RSRC1: variants seen among roughly 807,000 people sequenced by gnomAD.
RSRC1 encodes arginine and serine rich coiled-coil 1, also known as serine/Arginine-related protein 53.
In RSRC1, 39 loss-of-function variants were observed where a neutral mutation model predicts 49.1. That is an observed-to-expected ratio of 0.79 (90% confidence interval 0.61 to 1.04). RSRC1 has a LOEUF of 1.04. Among genes scored for constraint, RSRC1 ranks in the 50% least tolerant of loss-of-function variants. RSRC1 has a pLI of 0.00. For synonymous variants in RSRC1, 143 were observed against 130.8 expected (o/e 1.09, Z -0.63); for missense variants, 388 against 402.4 (o/e 0.96, Z 0.31).
chr3:158,352,890 G>T (rs1489531588), intron 5 of RSRC1, among the ~76,000 whole-genome samples: 1 of 152,004 alleles, frequency 6.6e-6, no homozygotes. Flanking sequence ...TGCATTAATG[G>T]CTTGATACCT....
chr3:158,265,999 T>A (rs1176516278), intron 4 of RSRC1, among the ~76,000 whole-genome samples: 1 of 152,138 alleles, frequency 6.6e-6, no homozygotes, highest in African/African-American at 2.4e-5. Flanking sequence ...CAAAAATAAA[T>A]TTCCTATATA....
chr3:158,510,936 T>C (rs978581130), intron 7 of RSRC1, among the ~76,000 whole-genome samples: 2 of 152,230 alleles, frequency 1.3e-5, no homozygotes, highest in African/African-American at 2.4e-5. Flanking sequence ...GAGAGTTTTA[T>C]TGAAATTACA....
chr3:158,213,905 A>G (rs1449721117), intron 4 of RSRC1, among the ~76,000 whole-genome samples: 1 of 151,916 alleles, frequency 6.6e-6, no homozygotes, highest in Non-Finnish European at 1.5e-5. Flanking sequence ...AAATGTTTTC[A>G]TTATTCAAAG....
intron 6 of RSRC1, among the ~76,000 whole-genome samples, chr3:158,438,986 A>G (rs1461767154): frequency 1.3e-5 from 2 of 152,092 alleles, no homozygotes; most frequent in Non-Finnish European, 2.9e-5. Context: ...AAACAACCCC[A>G]TCAAAAAGTG....
intron 3 of RSRC1, among the ~76,000 whole-genome samples, chr3:158,188,811 T>C (rs958278076): frequency 4.4e-4 from 67 of 151,974 alleles, no homozygotes; most frequent in Admixed American, 1.4e-3. Context: ...TCTTGATCTT[T>C]TGTTTCATTA....
chr3:158,269,358 T>G (rs1444051563), intron 4 of RSRC1, among the ~76,000 whole-genome samples: 1 of 152,240 alleles, frequency 6.6e-6, no homozygotes, highest in South Asian at 2.1e-4. Context: ...GTATGATATA[T>G]GAGAATCTTC....
chr3:158,298,135 A>T, intron 5 of RSRC1, 60 bp downstream of exon 5: 1 of 1,220,898 alleles, frequency 8.2e-7, no homozygotes, highest in Non-Finnish European at 1.2e-6. Flanking sequence ...TTCTAAATGA[A>T]CACTTTTGAA....
At chr3:158,371,881 GT>G (rs1264552621) in intron 6 of RSRC1, among the ~76,000 whole-genome samples, 2 of 151,726 alleles carry the variant, frequency 1.3e-5, no homozygotes, top group Non-Finnish European at 3.0e-5. Flanking sequence ...GTTAGTTTTA[GT>G]TTTCCTTTGG....
chr3:158,269,154 A>T lies in RSRC1; in HGVS notation c.495-28885A>T, dbSNP rs1286517607. 2.6e-5 allele frequency among the ~76,000 whole-genome samples: 4 copies of T among 152,068 alleles called. No individual in the cohort carries two copies. In the East Asian group the frequency reaches 7.7e-4, roughly 29 times the overall value. ...TTTTTTCTTGCTGAATTGCCAGTTA[A>T]TTTCCAGTTTTAATTATTCTGTTGT... is the stretch of plus-strand genomic sequence containing the variant. On this transcript the variant is annotated intron_variant, in intron 4 of 9. Transcript: ENST00000611884.
intron 4 of RSRC1, among the ~76,000 whole-genome samples, chr3:158,258,312 G>T (rs368787911): frequency 5.7e-5 from 7 of 123,776 alleles, no homozygotes; most frequent in African/African-American, 1.2e-4. Context: ...CAATATTTTT[G>T]CTGGATATAC....
intron 4 of RSRC1, among the ~76,000 whole-genome samples, chr3:158,271,832 C>T (rs1327964016): frequency 6.6e-6 from 1 of 152,024 alleles, no homozygotes; most frequent in Admixed American, 6.6e-5. Flanking sequence ...AAATTTTAAG[C>T]ACCTGCATTT....
At chr3:158,367,228 A>G (rs1028773867) in intron 6 of RSRC1, among the ~76,000 whole-genome samples, 1 of 152,168 alleles carries the variant, frequency 6.6e-6, no homozygotes, top group South Asian at 2.1e-4. Flanking sequence ...TTCAAAGGGC[A>G]TGCTTCCAGC....
intron 7 of RSRC1, among the ~76,000 whole-genome samples, chr3:158,535,502 A>G (rs1712667437): frequency 8.1e-6 from 1 of 122,704 alleles, no homozygotes; most frequent in Admixed American, 8.2e-5. Flanking sequence ...GAGGTTCAGA[A>G]GCATTGACAA....
At chr3:158,213,899 G>A (rs901110547) in intron 4 of RSRC1, among the ~76,000 whole-genome samples, 2 of 151,772 alleles carry the variant, frequency 1.3e-5, no homozygotes, top group Non-Finnish European at 2.9e-5. Context: ...GAAGAAAAAT[G>A]TTTTCATTAT....
At chr3:158,228,022 A>AT (rs761841803) in intron 4 of RSRC1, among the ~76,000 whole-genome samples, 18 of 152,114 alleles carry the variant, frequency 1.2e-4, no homozygotes, top group South Asian at 2.1e-4. Flanking sequence ...AGTTAAATAG[A>AT]TTTTTTTATC....
intron 4 of RSRC1, among the ~76,000 whole-genome samples, chr3:158,264,282 G>A (rs549818953): frequency 8.1e-4 from 124 of 152,168 alleles, no homozygotes; most frequent in Middle Eastern, 6.8e-3. Context: ...TTCTCCATGG[G>A]TTATTTAGAA....
chr3:158,494,076 T>G (rs1739203785), intron 7 of RSRC1, among the ~76,000 whole-genome samples: 1 of 152,176 alleles, frequency 6.6e-6, no homozygotes, highest in African/African-American at 2.4e-5. Flanking sequence ...CACTTCAATA[T>G]TAGTCACATG....
Position 158,444,262 on chromosome 3 carries a change from A to G in RSRC1, c.584-16673A>G, listed in dbSNP as rs138488391. On this transcript the variant is annotated intron_variant, in intron 6 of 9. Transcript: ENST00000611884. ...ACACTACCTGACTTCAAACTATACT[A>G]CAACGCTACAGTAACCAAAACAGCA... 2.4e-4 allele frequency among the ~76,000 whole-genome samples: 36 copies of G among 152,280 alleles called. 1 individual carries two copies. The highest frequency in any genetic ancestry group is 7.9e-4 in the African/African-American group (33 of 41,548).
chr3:158,194,030 G>A (rs543340417), intron 3 of RSRC1, among the ~76,000 whole-genome samples: 1 of 148,950 alleles, frequency 6.7e-6, no homozygotes, highest in South Asian at 2.1e-4. Flanking sequence ...GACCAGTCTG[G>A]GCAAAATAGT....
Sources: gnomAD v4.1 joint callset for allele counts (sites outside exome capture counted in the v4.1 genomes callset) on GRCh38, gnomAD v4.1.1 for gene constraint, MANE v1.5 for transcripts, NCBI Gene and HGNC (gene_info 2026-07-23, HGNC 2026-07-21) for gene names.